The following IMPA2 variants were observed in gnomAD, a reference collection of about 807,000 sequenced individuals.
IMPA2 encodes the protein IMP 2.
Under a neutral mutation model 35.1 loss-of-function variants are expected in IMPA2, and 32 were observed. The observed-to-expected ratio is 0.91, with a 90% CI of 0.69 to 1.23. IMPA2 has a LOEUF of 1.23. Among genes scored for constraint, IMPA2 ranks in the 50% most tolerant of loss-of-function variants. The pLI is 0.00. For missense variants in IMPA2, 334 were observed against 387.6 expected, an observed-to-expected ratio of 0.86 and a Z score of 1.16; for synonymous variants, 135 against 160.6, an observed-to-expected ratio of 0.84 and a Z score of 1.20.
intron 2 of IMPA2, among the ~76,000 whole-genome samples, chr18:12,001,547 G>A (rs1379216878): frequency 6.6e-6 from 1 of 152,130 alleles, no homozygotes; most frequent in Non-Finnish European, 1.5e-5. Context: ...CCCACTGTTG[G>A]GTTAATGTGT....
At chr18:12,027,837 C>T (rs527535903) in intron 5 of IMPA2, among the ~76,000 whole-genome samples, 1 of 151,824 alleles carries the variant, frequency 6.6e-6, no homozygotes. Flanking sequence ...GTTCCCTAGC[C>T]TCCCAAAGTG....
At chr18:11,994,990 A>C (rs980304448) in intron 1 of IMPA2, 2 of 151,896 alleles carry the variant, frequency 1.3e-5, no homozygotes, top group Non-Finnish European at 2.9e-5. Flanking sequence ...TTCCATCAGG[A>C]GACTCCAGGG....
chr18:12,024,937 T>G (rs575312415), intron 5 of IMPA2, among the ~76,000 whole-genome samples: 1 of 152,310 alleles, frequency 6.6e-6, no homozygotes, highest in Non-Finnish European at 1.5e-5. Flanking sequence ...CCAAGGTTCA[T>G]AGTTTTCATT....
In IMPA2 at chr18:12,022,941, ATT is replaced by A. The variant is rs35737614; in HGVS notation, c.491-5078_491-5077del. On this transcript the variant is annotated intron_variant, in intron 5 of 7. Coordinates refer to ENST00000269159, the MANE Select transcript of IMPA2 (RefSeq NM_014214.3). Reference sequence around the variant, plus strand: ...AAATGTGTGCCACCACGCCTGCCTAATTTTTTTTTTTTTTTTTTTTTTTTTGT... The same window carrying A: ...AAATGTGTGCCACCACGCCTGCCTAATTTTTTTTTTTTTTTTTTTTTTTGT... Among the ~76,000 whole-genome samples the A allele has an allele frequency of 2.5e-3, 201 of 81,688 alleles. No homozygotes were observed. In the Middle Eastern group the frequency reaches 0.033, roughly 14 times the overall value. 53.6% of individuals were successfully genotyped at this position (81,688 alleles called of 152,430 possible).
chr18:11,995,384 A>C (rs1480764893), intron 1 of IMPA2, among the ~76,000 whole-genome samples: 1 of 152,204 alleles, frequency 6.6e-6, no homozygotes, highest in Non-Finnish European at 1.5e-5. Flanking sequence ...TCTGGGGCAG[A>C]ACTTGGTGCT....
intron 5 of IMPA2, among the ~76,000 whole-genome samples, chr18:12,020,198 T>A (rs1235493620): frequency 1.3e-5 from 2 of 151,978 alleles, no homozygotes; most frequent in African/African-American, 4.8e-5. Flanking sequence ...ATTGATTGAT[T>A]GATTGATTGA....
In IMPA2 at chr18:12,014,375, T is replaced by A; in HGVS notation, c.490+2T>A. 1 of 1,561,988 alleles carries A rather than the reference T, an allele frequency of 6.4e-7. No individual in the cohort carries two copies. The highest frequency in any genetic ancestry group is 8.7e-7 in the Non-Finnish European group (1 of 1,148,986). On this transcript the variant is annotated splice_donor_variant, in intron 5 of 7. Transcript: ENST00000269159. LOFTEE classifies it high-confidence loss of function. Reference sequence around the variant, plus strand: ...GGCTCCGGGTCTCCGGGGAGACAGGTGGGCTTCACAACGCTCGTCTCAGTT... The same window carrying A: ...GGCTCCGGGTCTCCGGGGAGACAGGAGGGCTTCACAACGCTCGTCTCAGTT...
At chr18:11,994,415 C>T (rs607200) in intron 1 of IMPA2, 67,899 of 151,936 alleles carry the variant, frequency 0.45, 17,146 homozygotes, top group African/African-American at 0.68. Context: ...AACACAGCAT[C>T]CTGCCTCTGA....
In IMPA2 at chr18:11,993,319, G is replaced by A. The variant is rs998548438; in HGVS notation, c.97-5735G>A. Among the ~76,000 whole-genome samples the A allele has an allele frequency of 2.0e-5, 3 of 152,334 alleles. No individual in the cohort carries two copies. In the East Asian group the frequency reaches 5.8e-4, roughly 29 times the overall value. Reference sequence around the variant, plus strand: ...TGCTGAAAACAAGAATTACATCCTGGAAGGGAATTTTTCATACCCATCTTC... The same window carrying A: ...TGCTGAAAACAAGAATTACATCCTGAAAGGGAATTTTTCATACCCATCTTC... On this transcript the variant is annotated intron_variant, in intron 1 of 7. Transcript: ENST00000269159.
chr18:11,992,368 C>T (rs897128132), intron 1 of IMPA2, among the ~76,000 whole-genome samples: 3 of 152,236 alleles, frequency 2.0e-5, no homozygotes, highest in African/African-American at 7.2e-5. Context: ...GCGTGCTGCT[C>T]TGTGGATGAT....
chr18:11,994,269 G>A (rs1189569483), intron 1 of IMPA2: 1 of 152,108 alleles, frequency 6.6e-6, no homozygotes, highest in Non-Finnish European at 1.5e-5. Flanking sequence ...GCAGCTACTG[G>A]GGAGGCTGAG....
chr18:11,992,145 A>C lies in IMPA2; in HGVS notation c.97-6909A>C, dbSNP rs1906833241. Among the ~76,000 whole-genome samples, 2 of 152,236 alleles carry C rather than the reference A, an allele frequency of 1.3e-5. 1 individual carries two copies. Among genetic ancestry groups the C allele is most frequent in the African/African-American group, 4.8e-5 (2 of 41,460 alleles). On this transcript the variant is annotated intron_variant, in intron 1 of 7. Transcript: ENST00000269159. ...GCATGAGCCACCACGCCTAGCCCAG[A>C]ACAATGTCTGACCAAGTATCTGCGC...
rs769559301 is a variant in IMPA2, at chr18:12,029,000, T to G, written c.751+7T>G. 5.6e-6 allele frequency: 9 copies of G among 1,611,106 alleles called. No individual in the cohort carries two copies. In the Admixed American group the frequency reaches 1.5e-4, roughly 27 times the overall value. On this transcript the variant is annotated splice_region_variant and intron_variant, in intron 7 of 7. Transcript: ENST00000269159. ...ATCGTGATAGACACTTCGGGTGAGC[T>G]CTCCTGTCCCTGAAATGCAGCGGCA...
chr18:12,013,507 G>A (rs1036786742), intron 4 of IMPA2, among the ~76,000 whole-genome samples: 6 of 152,140 alleles, frequency 3.9e-5, no homozygotes, highest in Non-Finnish European at 8.8e-5. Flanking sequence ...CTTTCCTAAG[G>A]CATTTGGCCA....
At chr18:11,983,482 A>G (rs2143769541) in intron 1 of IMPA2, among the ~76,000 whole-genome samples, 1 of 152,350 alleles carries the variant, frequency 6.6e-6, no homozygotes, top group Middle Eastern at 3.4e-3. Flanking sequence ...AGATCCTTGA[A>G]GAAACAGAAG....
intron 2 of IMPA2, among the ~76,000 whole-genome samples, chr18:12,009,019 G>A (rs956411840): frequency 2.0e-5 from 3 of 152,124 alleles, no homozygotes; most frequent in Non-Finnish European, 2.9e-5. Flanking sequence ...GGCAGGGAGC[G>A]TCCCAGCCTC....
At chr18:11,999,583 G>C (rs1907060553) in intron 2 of IMPA2, among the ~76,000 whole-genome samples, 1 of 152,210 alleles carries the variant, frequency 6.6e-6, no homozygotes, top group East Asian at 1.9e-4. Flanking sequence ...CAGCTGCCTG[G>C]GCAACTTTCC....
rs904971223 is a variant in IMPA2 at position 11,984,804 on chromosome 18, A to G, written c.96+3039A>G. Among the ~76,000 whole-genome samples, 5 of 123,124 alleles carry G rather than the reference A, an allele frequency of 4.1e-5. 1 individual carries two copies. Among genetic ancestry groups the G allele is most frequent in the Middle Eastern group, 4.4e-3 (1 of 226 alleles). The allele number at this position is 123,124 out of a possible 152,430, so 80.8% of individuals were successfully genotyped here. On this transcript the variant is annotated intron_variant, in intron 1 of 7. Coordinates refer to ENST00000269159, the MANE Select transcript of IMPA2 (RefSeq NM_014214.3). The stretch of plus-strand genomic sequence containing the variant: ...AACACGGTGAAACCTCGTCTCTACT[A>G]AAAAATACAAAAAATTAGCCGGGCG...
chr18:11,984,439 G>A (rs375326467), intron 1 of IMPA2, among the ~76,000 whole-genome samples: 2 of 152,236 alleles, frequency 1.3e-5, no homozygotes, highest in African/African-American at 4.8e-5. Context: ...TGTGTGATGT[G>A]TGAACAGAAG....
Sources: allele counts gnomAD v4.1 joint callset (sites outside exome capture counted in the v4.1 genomes callset), GRCh38; gene constraint gnomAD v4.1.1; transcripts MANE v1.5; gene names NCBI Gene and HGNC (gene_info 2026-07-23, HGNC 2026-07-21).